GLYATL2: variants seen among roughly 807,000 people sequenced by gnomAD.
The protein encoded by GLYATL2 is glycine-N-acyltransferase like 2.
Under a neutral mutation model 21.4 loss-of-function variants are expected in GLYATL2, and 25 were observed. The ratio of observed to expected loss-of-function variants is 1.17; its 90% CI spans 0.85 to 1.63. GLYATL2 has a LOEUF of 1.63. Among genes scored for constraint, GLYATL2 ranks in the 40% most tolerant of loss-of-function variants. GLYATL2 has a pLI of 0.00. For missense variants in GLYATL2, 361 were observed against 343.3 expected (o/e 1.05, Z -0.41); for synonymous variants, 114 against 118.2 (o/e 0.96, Z 0.23).
Position 58,879,754 on chromosome 11 carries a change from T to C in GLYATL2, n.60+24402A>G, listed in dbSNP as rs1590743226. The stretch of plus-strand genomic sequence containing the variant: ...AAAACATTCTGGAAATGGATGGGGG[T>C]GATGCTTGTAGAGCATTGTGAATGT... On this transcript the variant is annotated intron_variant and non_coding_transcript_variant, in intron 1 of 4. Coordinates refer to the GLYATL2 transcript ENST00000533636. Among the ~76,000 whole-genome samples, 2 of 152,186 alleles carry C rather than the reference T, an allele frequency of 1.3e-5. 1 individual carries two copies.
intron 1 of GLYATL2, among the ~76,000 whole-genome samples, chr11:58,896,756 A>G (rs182535584): frequency 4.9e-4 from 63 of 127,852 alleles, no homozygotes; most frequent in African/African-American, 1.7e-3. Context: ...TTTTATTTTA[A>G]CGGTTTCTAT....
intron 1 of GLYATL2, among the ~76,000 whole-genome samples, chr11:58,894,696 A>G (rs1854606108): frequency 6.6e-6 from 1 of 151,900 alleles, no homozygotes. Context: ...TGTGTAGGTC[A>G]TGGAGCTTTA....
chr11:58,836,910 T>C (rs1460471457), intron 5 of GLYATL2, 105 bp downstream of exon 5: 3 of 958,088 alleles, frequency 3.1e-6, no homozygotes, highest in Non-Finnish European at 4.9e-6. Context: ...TGCAATTGTG[T>C]AGCCCATCAT....
chr11:58,905,707 C>A (rs766121137), upstream of GLYATL2: 19 of 189,160 alleles, frequency 1.0e-4, no homozygotes, highest in East Asian at 3.4e-3. Context: ...GGGAGGGGAT[C>A]GCTGGGACCG....
At chr11:58,886,160 T>G (rs1158461790) in intron 1 of GLYATL2, among the ~76,000 whole-genome samples, 2 of 152,108 alleles carry the variant, frequency 1.3e-5, no homozygotes, top group African/African-American at 4.8e-5. Flanking sequence ...GAGGTTGCAT[T>G]GAGCCAAGAT....
chr11:58,872,763 T>C (rs1410393859), intron 1 of GLYATL2, among the ~76,000 whole-genome samples: 2 of 152,242 alleles, frequency 1.3e-5, no homozygotes, highest in Non-Finnish European at 2.9e-5. Context: ...GACTTGGAGA[T>C]GCGGGCTCTT....
At chr11:58,861,142 C>T (rs2849850) in intron 1 of GLYATL2, among the ~76,000 whole-genome samples, 134,590 of 151,732 alleles carry the variant, frequency 0.89, 60,840 homozygotes, top group Non-Finnish European at 0.98. Context: ...TGTTCGATTT[C>T]TTGGAAGGGT....
rs533317475 is a variant in GLYATL2, at chr11:58,852,747, G to T, written n.61-14379C>A. Among the ~76,000 whole-genome samples the T allele has an allele frequency of 1.1e-4, 16 of 152,278 alleles. No individual in the cohort carries two copies. The South Asian group carries it at 2.9e-3, about 28-fold the overall frequency. ...ATCTGCCAGTTTCCTTGTTGATCTA[G>T]AAGTCTCTTTAATCGTTAACTACTT... On this transcript the variant is annotated intron_variant and non_coding_transcript_variant, in intron 1 of 4. Transcript: ENST00000533636.
intron 1 of GLYATL2, among the ~76,000 whole-genome samples, chr11:58,843,038 T>C (rs890377057): frequency 6.6e-6 from 1 of 152,236 alleles, no homozygotes; most frequent in African/African-American, 2.4e-5. Context: ...GGAACTTAAC[T>C]CTTCTTTATA....
intron 1 of GLYATL2, among the ~76,000 whole-genome samples, chr11:58,903,752 T>C (rs899289147): frequency 2.0e-5 from 3 of 152,198 alleles, no homozygotes; most frequent in African/African-American, 7.2e-5. Context: ...TTCCCTCTCT[T>C]TCTCCTTTTG....
intron 1 of GLYATL2, among the ~76,000 whole-genome samples, chr11:58,885,907 T>A (rs921807349): frequency 6.6e-6 from 1 of 152,128 alleles, no homozygotes; most frequent in Non-Finnish European, 1.5e-5. Flanking sequence ...CCAAGGCAGA[T>A]GTCTACCAGT....
upstream of GLYATL2, among the ~76,000 whole-genome samples, chr11:58,845,113 G>A (rs1467478974): frequency 6.6e-6 from 1 of 152,160 alleles, no homozygotes; most frequent in African/African-American, 2.4e-5. Context: ...GTTTTTCAAA[G>A]TGTGTTCCTC....
chr11:58,894,501 C>A (rs180808240), intron 1 of GLYATL2, among the ~76,000 whole-genome samples: 1,775 of 117,204 alleles, frequency 0.015, 16 homozygotes, highest in Non-Finnish European at 0.018. Context: ...AAAGCATTTT[C>A]ATTCTTTCTG....
At chr11:58,841,723 C>A (rs979780435) in intron 1 of GLYATL2, among the ~76,000 whole-genome samples, 16 of 152,200 alleles carry the variant, frequency 1.1e-4, no homozygotes, top group African/African-American at 3.9e-4. Context: ...CCAAATGGCA[C>A]AGCATTCTGC....
At chr11:58,861,908 A>C (rs615738) in intron 1 of GLYATL2, among the ~76,000 whole-genome samples, 134,974 of 152,130 alleles carry the variant, frequency 0.89, 61,032 homozygotes, top group Non-Finnish European at 0.98. Flanking sequence ...TGATTTCAGT[A>C]TTCTTAAATT....
chr11:58,887,410 AAGT>A (rs1416802291), intron 1 of GLYATL2, among the ~76,000 whole-genome samples: 1 of 152,180 alleles, frequency 6.6e-6, no homozygotes, highest in Admixed American at 6.5e-5. Flanking sequence ...TATAGAAAAA[AAGT>A]AACTTTTTCT....
At chr11:58,874,802 A>G (rs916988668) in intron 1 of GLYATL2, among the ~76,000 whole-genome samples, 2 of 152,238 alleles carry the variant, frequency 1.3e-5, no homozygotes, top group Admixed American at 6.5e-5. Flanking sequence ...ATGTCTATTA[A>G]GTCTGCTTGG....
At chr11:58,873,297 C>T (rs1294674706) in intron 1 of GLYATL2, among the ~76,000 whole-genome samples, 1 of 151,842 alleles carries the variant, frequency 6.6e-6, no homozygotes, top group East Asian at 1.9e-4. Flanking sequence ...TGCCTGAATG[C>T]CCTGGCCAGA....
rs1179943452 is a variant in GLYATL2 at position 58,862,052 on chromosome 11, CAAACAAACAAAAAA to C, written n.61-23698_61-23685del. Among the ~76,000 whole-genome samples the C allele has an allele frequency of 3.7e-4, 4 of 10,670 alleles. No homozygotes were observed. In the Non-Finnish European group the frequency reaches 0.014, roughly 37 times the overall value. 7.0% of individuals were successfully genotyped at this position (10,670 alleles called of 152,430 possible). A position where few individuals can be genotyped will look rare whatever the true frequency, so the allele number is the denominator to read the frequency against. ...TCTCTCCATTATTTGCAAAAACAAACAAACAAACAAAAAAAAACAGATTTTGTTGGGAACAGTAT... is the reference window on the plus strand; with the variant it reads ...TCTCTCCATTATTTGCAAAAACAAACAAACAGATTTTGTTGGGAACAGTAT... On this transcript the variant is annotated intron_variant and non_coding_transcript_variant, in intron 1 of 4. Coordinates refer to the GLYATL2 transcript ENST00000533636.
Sources: allele counts gnomAD v4.1 joint callset (sites outside exome capture counted in the v4.1 genomes callset), GRCh38; gene constraint gnomAD v4.1.1; transcripts MANE v1.5; gene names NCBI Gene and HGNC (gene_info 2026-07-23, HGNC 2026-07-21).